The following SFMBT2 variants were observed in gnomAD, a reference collection of about 807,000 sequenced individuals.
The protein encoded by SFMBT2 is scm-like with four MBT domains protein 2.
A neutral mutation model predicts 110.1 loss-of-function variants in SFMBT2; 38 were observed. That is an observed-to-expected ratio of 0.35 (90% CI 0.27 to 0.45). The LOEUF is 0.45. Among genes scored for constraint, SFMBT2 ranks in the 20% least tolerant of loss-of-function variants. SFMBT2 has a pLI of 1.00. For missense variants in SFMBT2, 1,011 were observed against 1,094.9 expected, an observed-to-expected ratio of 0.92 and a Z score of 1.08; for synonymous variants, 425 against 425.4, an observed-to-expected ratio of 1.00 and a Z score of 0.01.
chr10:7,295,417 C>T (rs1018170681), intron 4 of SFMBT2: 8 of 152,188 alleles, frequency 5.3e-5, no homozygotes, highest in African/African-American at 1.9e-4. Flanking sequence ...AACTTGTAGG[C>T]CACAGACGAA....
chr10:7,245,539 T>C (rs990777745), intron 8 of SFMBT2, among the ~76,000 whole-genome samples: 1 of 152,242 alleles, frequency 6.6e-6, no homozygotes, highest in Non-Finnish European at 1.5e-5. Context: ...CACTGTTTTG[T>C]GCTCTATCCA....
intron 11 of SFMBT2, among the ~76,000 whole-genome samples, chr10:7,210,023 A>T (rs570800328): frequency 3.3e-5 from 5 of 152,366 alleles, no homozygotes; most frequent in African/African-American, 9.6e-5. Flanking sequence ...TCCGTTTCTA[A>T]GAGAACAAAG....
intron 7 of SFMBT2, among the ~76,000 whole-genome samples, chr10:7,270,944 C>T (rs1841558298): frequency 6.6e-6 from 1 of 151,888 alleles, no homozygotes. Context: ...GTATTCATAC[C>T]TCTAAAAAAG....
rs1026156786 is a variant in SFMBT2, at chr10:7,176,283, G to A, written c.1809-118C>T. 4 of 1,142,518 alleles carry A rather than the reference G, an allele frequency of 3.5e-6. No homozygotes were observed. The African/African-American group carries it at 6.2e-5, about 18-fold the overall frequency. 70.8% of individuals were successfully genotyped at this position (1,142,518 alleles called of 1,614,324 possible). A position where few individuals can be genotyped will look rare whatever the true frequency, so the allele number is the denominator to read the frequency against. ...TTTCCAATGACAAAGCATATCGCGT[G>A]CAGTTTCCCATGTTGCTTCTGTTAT... On this transcript the variant is annotated intron_variant, in intron 16 of 20. Transcript: ENST00000397167.
chr10:7,384,211 CAAAAAA>C (rs59239303), intron 1 of SFMBT2, among the ~76,000 whole-genome samples: 24 of 27,974 alleles, frequency 8.6e-4, no homozygotes, highest in African/African-American at 3.1e-3. Flanking sequence ...AACTCCATCT[CAAAAAA>C]AAAAAAAAAA....
At chr10:7,267,942 T>G (rs1331741969) in intron 7 of SFMBT2, among the ~76,000 whole-genome samples, 1 of 152,206 alleles carries the variant, frequency 6.6e-6, no homozygotes, top group Non-Finnish European at 1.5e-5. Context: ...AAGGAAACAA[T>G]ATTTTATTTC....
intron 1 of SFMBT2, among the ~76,000 whole-genome samples, chr10:7,387,989 T>C (rs1227052321): frequency 6.9e-6 from 1 of 145,258 alleles, no homozygotes; most frequent in Non-Finnish European, 1.5e-5. Flanking sequence ...AACGTGGAGG[T>C]ACCAGCAGCA....
intron 4 of SFMBT2, among the ~76,000 whole-genome samples, chr10:7,349,924 T>A (rs1461407411): frequency 6.6e-6 from 1 of 152,112 alleles, no homozygotes; most frequent in Non-Finnish European, 1.5e-5. Flanking sequence ...GTCTAGGATG[T>A]CCCTATGGGA....
intron 12 of SFMBT2, chr10:7,203,874 C>T (rs1256376908): frequency 1.3e-5 from 2 of 155,186 alleles, no homozygotes; most frequent in Non-Finnish European, 2.8e-5. Context: ...CACCACCATG[C>T]CTGGTTAATT....
intron 4 of SFMBT2, among the ~76,000 whole-genome samples, chr10:7,331,407 A>G (rs2131959435): frequency 6.6e-6 from 1 of 152,318 alleles, no homozygotes; most frequent in Middle Eastern, 3.4e-3. Flanking sequence ...AAACATATCT[A>G]TCCAATTATG....
rs1837846042 is a variant in SFMBT2, at chr10:7,170,658, G to A, written c.2544+270C>T. Among the ~76,000 whole-genome samples, 1 of 152,068 alleles carries A rather than the reference G, an allele frequency of 6.6e-6. No individual in the cohort carries two copies. Among genetic ancestry groups the A allele is most frequent in the African/African-American group, 2.4e-5 (1 of 41,422 alleles). On this transcript the variant is annotated intron_variant, in intron 20 of 20. Coordinates refer to ENST00000397167, the MANE Select transcript of SFMBT2 (RefSeq NM_001387889.1). This position sits in a 1 kb window ranked among gnomAD's most constrained non-coding sequence, Gnocchi z 4.6. ...AACAGGCACCTCCCACCCCTGCTGG[G>A]TGGTGTCACTAGAGCCTGGAAGAGT...
chr10:7,233,120 A>C (rs79953784), intron 9 of SFMBT2, among the ~76,000 whole-genome samples: 1 of 152,208 alleles, frequency 6.6e-6, no homozygotes, highest in East Asian at 1.9e-4. Flanking sequence ...CAATCTTAAT[A>C]AAAAATAAAA....
chr10:7,242,402 C>T (rs1468590364), intron 9 of SFMBT2, among the ~76,000 whole-genome samples: 3 of 152,144 alleles, frequency 2.0e-5, no homozygotes, highest in Non-Finnish European at 2.9e-5. Context: ...GCCTGGAGAC[C>T]TACGATCCAA....
chr10:7,170,672 G>C lies in SFMBT2; in HGVS notation c.2544+256C>G, dbSNP rs968950190. Among the ~76,000 whole-genome samples, 5 of 152,094 alleles carry C rather than the reference G, an allele frequency of 3.3e-5. No individual in the cohort carries two copies. The South Asian group carries it at 1.0e-3, about 32-fold the overall frequency. ...ACCCCTGCTGGGTGGTGTCACTAGA[G>C]CCTGGAAGAGTCACCCCTCCGCCCC... On this transcript the variant is annotated intron_variant, in intron 20 of 20. Transcript: ENST00000397167. The surrounding 1 kb of genome is among the most constrained non-coding windows in gnomAD (Gnocchi z 4.6).
intron 12 of SFMBT2, chr10:7,204,760 C>T: frequency 5.0e-6 from 1 of 199,700 alleles, no homozygotes; most frequent in Non-Finnish European, 9.0e-6. Flanking sequence ...GTTATCTCAG[C>T]TACTCAGGAG....
At chr10:7,356,706 C>T (rs1564455971) in intron 4 of SFMBT2, among the ~76,000 whole-genome samples, 1 of 152,212 alleles carries the variant, frequency 6.6e-6, no homozygotes, top group African/African-American at 2.4e-5. Context: ...GTGTGAGCCA[C>T]GGCGCCCAGC....
At chr10:7,384,566 T>A (rs1023148690) in intron 1 of SFMBT2, among the ~76,000 whole-genome samples, 15 of 152,190 alleles carry the variant, frequency 9.9e-5, no homozygotes, top group Non-Finnish European at 1.9e-4. Context: ...CAGTGAATCA[T>A]CTGCAATGTA....
chr10:7,376,854 C>CA (rs112996489), intron 2 of SFMBT2, among the ~76,000 whole-genome samples: 17,279 of 123,526 alleles, frequency 0.14, 2,426 homozygotes, highest in African/African-American at 0.29. Context: ...TGGACAGTGG[C>CA]AAAAAAAAAA....
At chr10:7,193,854 T>C (rs925558663) in intron 15 of SFMBT2, among the ~76,000 whole-genome samples, 2 of 152,244 alleles carry the variant, frequency 1.3e-5, no homozygotes, top group Non-Finnish European at 2.9e-5. Context: ...CTTTTGGTCA[T>C]AGGAGGCGAG....
Sources: gnomAD v4.1 joint callset for allele counts (sites outside exome capture counted in the v4.1 genomes callset) on GRCh38, gnomAD v4.1.1 for gene constraint, Gnocchi (gnomAD v3.1) non-coding constraint, MANE v1.5 for transcripts, NCBI Gene and HGNC (gene_info 2026-07-23, HGNC 2026-07-21) for gene names.